Variants in VKORC1L1 observed in about 807,000 individuals in gnomAD.
VKORC1L1 encodes the protein vitamin K epoxide reductase complex subunit 1L1.
A neutral mutation model predicts 18.9 loss-of-function variants in VKORC1L1; 2 were observed. The observed-to-expected ratio is 0.11, with a 90% confidence interval of 0.04 to 0.33. The LOEUF (loss-of-function observed/expected upper bound fraction) is 0.33, where lower values mean the gene tolerates loss of function less well. VKORC1L1 is among the 10% of genes least tolerant of loss of function. VKORC1L1 has a pLI of 1.00. For synonymous variants in VKORC1L1, 96 were observed against 100.0 expected (o/e 0.96, Z 0.24); for missense variants, 123 against 224.1 (o/e 0.55, Z 2.88).
At chr7:65,877,430 C>T (rs897874034) in intron 1 of VKORC1L1, among the ~76,000 whole-genome samples, 1 of 151,940 alleles carries the variant, frequency 6.6e-6, no homozygotes, top group Non-Finnish European at 1.5e-5. Context: ...TCACTGCAAC[C>T]TCCACCTCCC....
At position 65,936,662 on chromosome 7, in the gene VKORC1L1, G is replaced by A. The variant is rs375537539; in HGVS notation, c.195-12009G>A. On this transcript the variant is annotated intron_variant, in intron 1 of 2. Transcript: ENST00000360768. ...TCTATTCCATGCATGTGCCACTTGG[G>A]TGAGTCTGGGGCTTGTGTTAGTTCC... is the stretch of plus-strand genomic sequence containing the variant. 7.9e-5 allele frequency among the ~76,000 whole-genome samples: 12 copies of A among 152,292 alleles called. No homozygotes were observed. The East Asian group carries it at 1.4e-3, about 17-fold the overall frequency.
rs182682186 is a variant in VKORC1L1 at position 65,912,560 on chromosome 7, G to T, written c.195-36111G>T. On this transcript the variant is annotated intron_variant, in intron 1 of 2. Coordinates refer to ENST00000360768, the MANE Select transcript of VKORC1L1 (RefSeq NM_173517.6). ...TGCACAAAGGCCCATGTAGCAGGCAGTATGTTCCTCAACAGCTGACTGAGG... is the reference window on the plus strand; with the variant it reads ...TGCACAAAGGCCCATGTAGCAGGCATTATGTTCCTCAACAGCTGACTGAGG... Among the ~76,000 whole-genome samples, 584 of 152,338 alleles carry T rather than the reference G, an allele frequency of 3.8e-3. 6 individuals are homozygous for T. The highest frequency in any genetic ancestry group is 0.013 in the African/African-American group (557 of 41,586).
chr7:65,884,592 A>T (rs1307183736), intron 1 of VKORC1L1, among the ~76,000 whole-genome samples: 1 of 152,200 alleles, frequency 6.6e-6, no homozygotes, highest in Non-Finnish European at 1.5e-5. Context: ...AGCCGAGATC[A>T]TGCCATTGTA....
At chr7:65,913,846 A>T (rs188815085) in intron 1 of VKORC1L1, among the ~76,000 whole-genome samples, 232 of 152,040 alleles carry the variant, frequency 1.5e-3, no homozygotes, top group African/African-American at 5.4e-3. Flanking sequence ...CACTAAGGAA[A>T]ATTTCTGAGT....
intron 1 of VKORC1L1, among the ~76,000 whole-genome samples, chr7:65,895,156 A>G (rs925152919): frequency 3.3e-5 from 5 of 152,124 alleles, no homozygotes; most frequent in African/African-American, 9.7e-5. Flanking sequence ...ACTTCTGGCC[A>G]TATGGTAATT....
intron 1 of VKORC1L1, among the ~76,000 whole-genome samples, chr7:65,939,477 G>A (rs1399806315): frequency 6.6e-6 from 1 of 152,184 alleles, no homozygotes; most frequent in Non-Finnish European, 1.5e-5. Context: ...TGGATGTGGT[G>A]GAAGTGACAG....
At chr7:65,889,628 C>G (rs1789077403) in intron 1 of VKORC1L1, among the ~76,000 whole-genome samples, 1 of 152,130 alleles carries the variant, frequency 6.6e-6, no homozygotes, top group Admixed American at 6.6e-5. Flanking sequence ...TTAAATAGAC[C>G]AATGCCAGCA....
At chr7:65,879,583 T>G (rs1325920800) in intron 1 of VKORC1L1, among the ~76,000 whole-genome samples, 1 of 152,178 alleles carries the variant, frequency 6.6e-6, no homozygotes, top group Non-Finnish European at 1.5e-5. Context: ...GGTAGTACAG[T>G]GGCAGAGGCC....
intron 1 of VKORC1L1, 43 bp downstream of exon 1, chr7:65,873,608 C>T (rs1337854778): frequency 2.2e-6 from 3 of 1,348,774 alleles, no homozygotes; most frequent in Non-Finnish European, 2.9e-6. Context: ...CCGAGCGGGG[C>T]GAGGGTGGAG....
intron 1 of VKORC1L1, among the ~76,000 whole-genome samples, chr7:65,889,685 C>A (rs1425988098): frequency 5.3e-5 from 8 of 152,226 alleles, no homozygotes; most frequent in South Asian, 2.1e-4. Flanking sequence ...CTATATGCGT[C>A]CCCCTTCTCA....
chr7:65,921,863 A>T (rs1303332787), intron 1 of VKORC1L1, among the ~76,000 whole-genome samples: 41 of 147,446 alleles, frequency 2.8e-4, no homozygotes, highest in Middle Eastern at 3.7e-3. Context: ...AAAAAAAAAA[A>T]TTTTTTTTAG....
chr7:65,932,932 G>C (rs943520123), intron 1 of VKORC1L1, among the ~76,000 whole-genome samples: 8 of 152,074 alleles, frequency 5.3e-5, no homozygotes, highest in Non-Finnish European at 1.0e-4. Flanking sequence ...ACAAAAATTA[G>C]CCAGGCACAA....
At chr7:65,886,313 C>T (rs1029147678) in intron 1 of VKORC1L1, among the ~76,000 whole-genome samples, 30 of 152,108 alleles carry the variant, frequency 2.0e-4, no homozygotes, top group Non-Finnish European at 2.2e-4. Flanking sequence ...GATAACTGTA[C>T]TTAACTCTTA....
chr7:65,866,401 C>T, the VKORC1L1 span, among the ~76,000 whole-genome samples: 2 of 152,122 alleles, frequency 1.3e-5, no homozygotes, highest in African/African-American at 4.8e-5. Flanking sequence ...ATGAATGTGG[C>T]ATGCAGGGAG....
rs1326236054 is a variant in VKORC1L1, at chr7:65,954,627, T to C, written c.*327T>C. On this transcript the variant is annotated 3_prime_UTR_variant, in exon 3 of 3. Transcript: ENST00000360768. ...AGTGAGCAACCATTGCTAGTAATTCTTTAATGTGTATAAATTCAATTTCAG... is the reference window on the plus strand; with the variant it reads ...AGTGAGCAACCATTGCTAGTAATTCCTTAATGTGTATAAATTCAATTTCAG... 3 of 369,354 alleles carry C rather than the reference T, an allele frequency of 8.1e-6. No homozygotes were observed. Among genetic ancestry groups the C allele is most frequent in the South Asian group, 7.1e-5 (1 of 14,098 alleles). The allele number at this position is 369,354 out of a possible 1,614,324, so 22.9% of individuals were successfully genotyped here.
chr7:65,912,092 C>G (rs897996317), intron 1 of VKORC1L1, among the ~76,000 whole-genome samples: 2 of 152,150 alleles, frequency 1.3e-5, no homozygotes, highest in African/African-American at 4.8e-5. Context: ...CCATTGTACT[C>G]CAGCCTGAGT....
At chr7:65,933,108 G>A (rs952397141) in intron 1 of VKORC1L1, among the ~76,000 whole-genome samples, 4 of 150,044 alleles carry the variant, frequency 2.7e-5, no homozygotes, top group Non-Finnish European at 4.4e-5. Flanking sequence ...AAAGTGTGTC[G>A]GCTGTTGTTG....
At chr7:65,882,535 T>C (rs1013389465) in intron 1 of VKORC1L1, among the ~76,000 whole-genome samples, 3 of 152,196 alleles carry the variant, frequency 2.0e-5, no homozygotes, top group African/African-American at 7.2e-5. Flanking sequence ...GTGTCTCACT[T>C]TGTGTATAGA....
At chr7:65,930,075 GT>G (rs1310843460) in intron 1 of VKORC1L1, among the ~76,000 whole-genome samples, 1 of 151,978 alleles carries the variant, frequency 6.6e-6, no homozygotes, top group African/African-American at 2.4e-5. Flanking sequence ...ATTTCTAATA[GT>G]TCATTACTAG....
Sources: gnomAD v4.1 joint callset for allele counts (sites outside exome capture counted in the v4.1 genomes callset) on GRCh38, gnomAD v4.1.1 for gene constraint, MANE v1.5 for transcripts, NCBI Gene and HGNC (gene_info 2026-07-23, HGNC 2026-07-21) for gene names.